RALGPS1: variants seen among roughly 807,000 people sequenced by gnomAD.
RALGPS1 encodes the protein Ral GEF with PH domain and SH3 binding motif 1.
RALGPS1 carries 19 observed loss-of-function variants against 78.8 expected under a neutral mutation model. That is an observed-to-expected ratio of 0.24 (90% CI 0.17 to 0.35). The LOEUF (loss-of-function observed/expected upper bound fraction) is 0.35, where lower values mean the gene tolerates loss of function less well. Ranked by LOEUF, RALGPS1 falls within the 10% of genes least tolerant of loss-of-function variation. RALGPS1 has a pLI of 1.00. For missense variants in RALGPS1, 454 were observed against 688.3 expected, an observed-to-expected ratio of 0.66 and a Z score of 3.81; for synonymous variants, 228 against 256.3, an observed-to-expected ratio of 0.89 and a Z score of 1.06.
intron 10 of RALGPS1, 59 bp downstream of exon 10, chr9:127,168,831 C>A: frequency 7.1e-7 from 1 of 1,403,126 alleles, no homozygotes; most frequent in Non-Finnish European, 1.0e-6. Flanking sequence ...CCTTAGTGCT[C>A]AGGTCCCTGC....
chr9:126,929,973 C>G (rs1037997532), intron 1 of RALGPS1, among the ~76,000 whole-genome samples: 2 of 152,096 alleles, frequency 1.3e-5, no homozygotes, highest in African/African-American at 4.8e-5. Flanking sequence ...CCTAAGACTA[C>G]AGGTGTGCGC....
intron 4 of RALGPS1, among the ~76,000 whole-genome samples, chr9:127,026,705 G>T (rs974796614): frequency 1.3e-5 from 2 of 152,170 alleles, no homozygotes; most frequent in African/African-American, 4.8e-5. Context: ...ATGCCTGGTG[G>T]CTTGTAGGTG....
intron 1 of RALGPS1, among the ~76,000 whole-genome samples, chr9:126,916,169 G>C (rs2034138320): frequency 6.6e-6 from 1 of 152,206 alleles, no homozygotes; most frequent in South Asian, 2.1e-4. Context: ...TCAGGGACTG[G>C]AGAGTCTAAA....
chr9:127,207,499 A>AAAAC lies in RALGPS1; in HGVS notation c.1248-4612_1248-4609dup, dbSNP rs369601624. The stretch of plus-strand genomic sequence containing the variant: ...TATGAGCCCCTATGTCAGTTACCAA[A>AAAAC]AAACAAACAAACAAACAAACAAAAA... On this transcript the variant is annotated intron_variant, in intron 14 of 18. Transcript: ENST00000259351. 6.7e-4 allele frequency among the ~76,000 whole-genome samples: 102 copies of AAAAC among 152,304 alleles called. 1 individual carries two copies. The highest frequency in any genetic ancestry group is 6.0e-3 in the East Asian group (31 of 5,184).
intron 4 of RALGPS1, among the ~76,000 whole-genome samples, chr9:127,003,840 A>G (rs2133695893): frequency 6.6e-6 from 1 of 152,272 alleles, no homozygotes; most frequent in East Asian, 1.9e-4. Context: ...TGACTGTATC[A>G]TTTCACATTC....
chr9:127,070,199 T>G (rs2050073887), intron 8 of RALGPS1, among the ~76,000 whole-genome samples: 1 of 152,096 alleles, frequency 6.6e-6, no homozygotes, highest in South Asian at 2.1e-4. Flanking sequence ...GGGTTCGCGC[T>G]CCTATGAGAA....
chr9:126,995,296 CAG>C (rs1195993922), intron 4 of RALGPS1, among the ~76,000 whole-genome samples: 2 of 152,028 alleles, frequency 1.3e-5, no homozygotes, highest in African/African-American at 4.8e-5. Context: ...ATCTCATGTG[CAG>C]AGACACACAT....
At chr9:126,921,950 C>T (rs957162722) in intron 1 of RALGPS1, among the ~76,000 whole-genome samples, 2 of 152,170 alleles carry the variant, frequency 1.3e-5, no homozygotes, top group African/African-American at 2.4e-5. Context: ...TGAGTTACTG[C>T]ACAAGCAATG....
chr9:127,071,722 T>G (rs931190574), intron 8 of RALGPS1, among the ~76,000 whole-genome samples: 8 of 152,218 alleles, frequency 5.3e-5, no homozygotes. Flanking sequence ...CTCCCTATAG[T>G]TTTAATTTTT....
intron 8 of RALGPS1, among the ~76,000 whole-genome samples, chr9:127,082,217 T>C (rs2051242918): frequency 6.6e-6 from 1 of 152,134 alleles, no homozygotes; most frequent in African/African-American, 2.4e-5. Context: ...CATCCACAAG[T>C]AGGATGTTCG....
At chr9:127,083,610 T>G (rs945982933) in intron 8 of RALGPS1, among the ~76,000 whole-genome samples, 14 of 152,198 alleles carry the variant, frequency 9.2e-5, no homozygotes, top group Admixed American at 9.2e-4. Flanking sequence ...GGGAGATACC[T>G]CGTGTCCTTA....
intron 14 of RALGPS1, among the ~76,000 whole-genome samples, chr9:127,201,198 G>A (rs889940263): frequency 6.6e-5 from 10 of 152,240 alleles, no homozygotes; most frequent in African/African-American, 2.4e-4. Context: ...TCTAGAATAG[G>A]TGATTTTGGG....
At chr9:127,048,460 T>G (rs1169836553) in intron 5 of RALGPS1, among the ~76,000 whole-genome samples, 5 of 152,176 alleles carry the variant, frequency 3.3e-5, no homozygotes, top group Admixed American at 3.3e-4. Flanking sequence ...GGATTCTGCC[T>G]CCTCCTTTGG....
chr9:127,124,121 TC>T (rs1259568712), intron 8 of RALGPS1, among the ~76,000 whole-genome samples: 1 of 152,180 alleles, frequency 6.6e-6, no homozygotes, highest in East Asian at 1.9e-4. Context: ...CCCTGACACT[TC>T]ACCCATGGAG....
chr9:127,184,252 G>T, intron 11 of RALGPS1: 1 of 516,428 alleles, frequency 1.9e-6, no homozygotes, highest in Non-Finnish European at 3.5e-6. Flanking sequence ...CCCAGGAGGG[G>T]GAGGCTACAG....
At chr9:127,007,270 G>A (rs1165394051) in intron 4 of RALGPS1, among the ~76,000 whole-genome samples, 2 of 152,164 alleles carry the variant, frequency 1.3e-5, no homozygotes, top group Non-Finnish European at 2.9e-5. Flanking sequence ...CAAACACTTT[G>A]CTTCCAGCTA....
At chr9:127,031,745 CAT>C (rs1254616654) in intron 4 of RALGPS1, among the ~76,000 whole-genome samples, 6 of 152,202 alleles carry the variant, frequency 3.9e-5, no homozygotes, top group Admixed American at 2.6e-4. Context: ...ACTTCTCAAA[CAT>C]AATGTTTTAC....
intron 8 of RALGPS1, among the ~76,000 whole-genome samples, chr9:127,136,640 C>G (rs2057412937): frequency 6.6e-6 from 1 of 152,096 alleles, no homozygotes; most frequent in East Asian, 1.9e-4. Flanking sequence ...ACGTGGAGTC[C>G]TGAGCTCAGC....
intron 4 of RALGPS1, among the ~76,000 whole-genome samples, chr9:127,020,603 A>C (rs180943797): frequency 6.6e-6 from 1 of 152,372 alleles, no homozygotes; most frequent in African/African-American, 2.4e-5. Flanking sequence ...AATTCTAAAA[A>C]GGAAGGGTGG....
Sources: gnomAD v4.1 joint callset for allele counts (sites outside exome capture counted in the v4.1 genomes callset) on GRCh38, gnomAD v4.1.1 for gene constraint, MANE v1.5 for transcripts, NCBI Gene and HGNC (gene_info 2026-07-23, HGNC 2026-07-21) for gene names.